The following DOCK9 variants were observed in gnomAD, a reference collection of about 807,000 sequenced individuals.
The protein encoded by DOCK9 is dedicator of cytokinesis protein 9.
A neutral mutation model predicts 263.3 loss-of-function variants in DOCK9; 89 were observed. That is an observed-to-expected ratio of 0.34 (90% confidence interval 0.28 to 0.40). DOCK9 has a LOEUF of 0.40. DOCK9 is among the 10% of genes least tolerant of loss of function. The pLI is 1.00. For missense variants in DOCK9, 2,140 were observed against 2,603.4 expected, an observed-to-expected ratio of 0.82 and a Z score of 3.87; for synonymous variants, 976 against 973.1, an observed-to-expected ratio of 1.00 and a Z score of -0.06.
chr13:98,908,550 T>C (rs777570423), intron 9 of DOCK9, among the ~76,000 whole-genome samples: 1 of 152,224 alleles, frequency 6.6e-6, no homozygotes, highest in Non-Finnish European at 1.5e-5. Context: ...GATATGTATG[T>C]AAGGGGGAAC....
At chr13:98,794,856 A>C in intron 52 of DOCK9, 108 bp from the exon 53 acceptor site, 1 of 1,268,276 alleles carries the variant, frequency 7.9e-7, no homozygotes, top group Non-Finnish European at 1.1e-6. Context: ...AATGTTACAG[A>C]GTTTAAGGCA....
intron 45 of DOCK9, among the ~76,000 whole-genome samples, chr13:98,813,390 T>A (rs543486103): frequency 2.0e-5 from 3 of 152,238 alleles, no homozygotes; most frequent in African/African-American, 7.2e-5. Flanking sequence ...TTAAGGAAGT[T>A]CCTTCTATTT....
chr13:98,874,926 C>G (rs2094290389), intron 27 of DOCK9, among the ~76,000 whole-genome samples: 1 of 152,078 alleles, frequency 6.6e-6, no homozygotes, highest in Admixed American at 6.6e-5. Flanking sequence ...TTGTTTTTCA[C>G]TCTTTCCCCT....
intron 21 of DOCK9, among the ~76,000 whole-genome samples, chr13:98,884,232 A>G (rs1476745003): frequency 6.6e-6 from 1 of 152,270 alleles, no homozygotes; most frequent in East Asian, 1.9e-4. Context: ...GAAGCCAGTA[A>G]AAGGTGCCAG....
intron 49 of DOCK9, among the ~76,000 whole-genome samples, chr13:98,800,899 GA>G (rs1449739149): frequency 6.6e-6 from 1 of 152,166 alleles, no homozygotes; most frequent in Non-Finnish European, 1.5e-5. Flanking sequence ...ATATCCTTGA[GA>G]AAATTCATTT....
intron 44 of DOCK9, among the ~76,000 whole-genome samples, chr13:98,824,749 T>C (rs1345130056): frequency 1.7e-4 from 26 of 152,236 alleles, no homozygotes; most frequent in Admixed American, 1.7e-3. Flanking sequence ...TTAAAATGTA[T>C]GCAATCTCTA....
Position 98,862,416 on chromosome 13 carries a change from C to T in DOCK9, c.3579+603G>A, listed in dbSNP as rs534783541. 1.8e-4 allele frequency among the ~76,000 whole-genome samples: 27 copies of T among 152,198 alleles called. No homozygotes were observed. In the South Asian group the frequency reaches 3.7e-3, roughly 21 times the overall value. The stretch of plus-strand genomic sequence containing the variant: ...TAAGAAGAAGAGAGGGGACTGGGCA[C>T]GGTGGCTCACGTCTGTAATCCCAGA... On this transcript the variant is annotated intron_variant, in intron 32 of 52. Transcript: ENST00000682017.
intron 33 of DOCK9, chr13:98,859,793 A>G (rs1411655046): frequency 3.4e-5 from 5 of 147,636 alleles, no homozygotes; most frequent in African/African-American, 1.3e-4. Context: ...ATCTCTGAGG[A>G]AAAGCTAGCA....
chr13:98,926,905 A>G (rs947444605), intron 3 of DOCK9, among the ~76,000 whole-genome samples: 14 of 152,138 alleles, frequency 9.2e-5, no homozygotes, highest in Non-Finnish European at 1.8e-4. Context: ...TGCTTCTTTC[A>G]CTTCATCGTT....
chr13:98,850,990 G>C (rs2093553411), intron 35 of DOCK9, among the ~76,000 whole-genome samples: 1 of 152,206 alleles, frequency 6.6e-6, no homozygotes, highest in Admixed American at 6.5e-5. Context: ...TGGGGATGCT[G>C]ATGGCTCATG....
chr13:98,896,850 C>T (rs1432257342), intron 15 of DOCK9, among the ~76,000 whole-genome samples: 1 of 152,134 alleles, frequency 6.6e-6, no homozygotes, highest in East Asian at 1.9e-4. Flanking sequence ...ACCCTTTGTA[C>T]CTATAAATGT....
intron 1 of DOCK9, among the ~76,000 whole-genome samples, chr13:98,959,000 TCTTC>T (rs1465160041): frequency 6.6e-6 from 1 of 152,220 alleles, no homozygotes; most frequent in Non-Finnish European, 1.5e-5. Context: ...GTGGCTACTG[TCTTC>T]CTTTTGTGTG....
chr13:98,977,717 G>A (rs1014455302), intron 1 of DOCK9, 67 bp downstream of exon 1: 24 of 1,528,660 alleles, frequency 1.6e-5, no homozygotes, highest in Non-Finnish European at 1.8e-5. Flanking sequence ...CGTCAACCCC[G>A]TCCACACGCA....
intron 43 of DOCK9, among the ~76,000 whole-genome samples, chr13:98,828,721 G>C (rs151272147): frequency 1.3e-5 from 2 of 152,170 alleles, no homozygotes; most frequent in Non-Finnish European, 2.9e-5. Flanking sequence ...CCATTTTACA[G>C]ATGATGTCAT....
chr13:98,868,197 CA>C (rs761518519), intron 28 of DOCK9, 33 bp downstream of exon 28: 6 of 1,611,646 alleles, frequency 3.7e-6, no homozygotes, highest in Non-Finnish European at 4.2e-6. Context: ...ATCTTTGTCC[CA>C]TAACTGATAT....
intron 9 of DOCK9, among the ~76,000 whole-genome samples, chr13:98,909,510 G>A (rs1300207050): frequency 2.6e-5 from 4 of 152,118 alleles, no homozygotes; most frequent in African/African-American, 9.7e-5. Context: ...AGATTGGGTT[G>A]GAATAGGAGG....
At chr13:98,814,261 C>A (rs772309) in intron 45 of DOCK9, among the ~76,000 whole-genome samples, 60,205 of 152,052 alleles carry the variant, frequency 0.4, 12,351 homozygotes, top group African/African-American at 0.44. Context: ...ATCAGTTTTG[C>A]CTGCTTTTAT....
intron 1 of DOCK9, among the ~76,000 whole-genome samples, chr13:99,085,359 G>GCCCT (rs1688634518): frequency 6.6e-6 from 1 of 152,246 alleles, no homozygotes; most frequent in South Asian, 2.1e-4. Context: ...GTTTCCAGCT[G>GCCCT]CCCTGCAGAG....
At chr13:98,847,736 T>C (rs2093432358) in intron 37 of DOCK9, 1 of 152,300 alleles carries the variant, frequency 6.6e-6, no homozygotes, top group Admixed American at 6.5e-5. Flanking sequence ...TTTTTAAGTT[T>C]TTCTTAAAAC....
Sources: gnomAD v4.1 joint callset for allele counts (sites outside exome capture counted in the v4.1 genomes callset) on GRCh38, gnomAD v4.1.1 for gene constraint, MANE v1.5 for transcripts, NCBI Gene and HGNC (gene_info 2026-07-23, HGNC 2026-07-21) for gene names.